The following ILRUN variants were observed in gnomAD, a reference collection of about 807,000 sequenced individuals.
ILRUN encodes inflammation and lipid regulator with UBA-like and NBR1-like domains.
Under a neutral mutation model 33.8 loss-of-function variants are expected in ILRUN, and 3 were observed. The ratio of observed to expected loss-of-function variants is 0.09; its 90% CI spans 0.04 to 0.23. The LOEUF is 0.23. Among genes scored for constraint, ILRUN ranks in the 10% least tolerant of loss-of-function variants. The pLI, the probability that ILRUN is intolerant of heterozygous loss-of-function variation, is 1.00. For synonymous variants in ILRUN, 124 were observed against 138.9 expected (o/e 0.89, Z 0.75); for missense variants, 210 against 375.1 (o/e 0.56, Z 3.64).
At chr6:34,602,832 C>A (rs1761538806) in intron 4 of ILRUN, among the ~76,000 whole-genome samples, 1 of 152,196 alleles carries the variant, frequency 6.6e-6, no homozygotes, top group African/African-American at 2.4e-5. Flanking sequence ...TTGTGGGATG[C>A]AGCTAGGGCA....
At position 34,591,808 on chromosome 6, in the gene ILRUN, T is replaced by TA. The variant is rs1413695037; in HGVS notation, c.862-1209dup. 7.2e-5 allele frequency among the ~76,000 whole-genome samples: 11 copies of TA among 152,214 alleles called. 1 individual carries two copies. Among genetic ancestry groups the TA allele is most frequent in the Non-Finnish European group, 2.9e-5 (2 of 68,000 alleles). ...CTGGCCAATCCTGTCTCAAGCTTTTTAAAAAAATCACGTGGTAAGAGGCAG... is the reference window on the plus strand; with the variant it reads ...CTGGCCAATCCTGTCTCAAGCTTTTTAAAAAAAATCACGTGGTAAGAGGCAG... On this transcript the variant is annotated intron_variant, in intron 4 of 4. Coordinates refer to ENST00000374023, the MANE Select transcript of ILRUN (RefSeq NM_024294.4).
At chr6:34,677,876 G>C (rs963009436) in intron 1 of ILRUN, among the ~76,000 whole-genome samples, 2 of 150,136 alleles carry the variant, frequency 1.3e-5, no homozygotes, top group African/African-American at 4.9e-5. Context: ...TTAAGCCCAG[G>C]AGGTCGAGGC....
intron 1 of ILRUN, among the ~76,000 whole-genome samples, chr6:34,663,636 G>A (rs1005858018): frequency 2.0e-5 from 3 of 152,042 alleles, no homozygotes; most frequent in African/African-American, 4.8e-5. Context: ...GAGCCACCCC[G>A]TCCAGCTAAG....
intron 3 of ILRUN, among the ~76,000 whole-genome samples, chr6:34,635,637 C>T (rs1316212195): frequency 8.6e-6 from 1 of 116,252 alleles, no homozygotes; most frequent in Admixed American, 1.0e-4. Flanking sequence ...TTTTTTGAGA[C>T]ACAGTCTTGC....
At position 34,663,294 on chromosome 6, in the gene ILRUN, G is replaced by A. The variant is rs115610382; in HGVS notation, c.159-8515C>T. Reference sequence around the variant, plus strand: ...AAAAATTATCTGGGTATAGTGGCGCGTGCCTATAGTCCCAGCTACTCAGAA... The same window carrying A: ...AAAAATTATCTGGGTATAGTGGCGCATGCCTATAGTCCCAGCTACTCAGAA... On this transcript the variant is annotated intron_variant, in intron 1 of 4. Coordinates refer to ENST00000374023, the MANE Select transcript of ILRUN (RefSeq NM_024294.4). 4.3e-3 allele frequency among the ~76,000 whole-genome samples: 654 copies of A among 152,082 alleles called. 6 individuals carry two copies. The highest frequency in any genetic ancestry group is 0.015 in the African/African-American group (603 of 41,474).
chr6:34,619,216 A>C (rs913943589), intron 3 of ILRUN, among the ~76,000 whole-genome samples: 3 of 152,182 alleles, frequency 2.0e-5, no homozygotes, highest in African/African-American at 7.2e-5. Context: ...CTAGAAGAGG[A>C]GAATTAAGAA....
intron 3 of ILRUN, among the ~76,000 whole-genome samples, chr6:34,624,604 G>A (rs912545686): frequency 6.6e-6 from 1 of 152,102 alleles, no homozygotes; most frequent in Non-Finnish European, 1.5e-5. Flanking sequence ...AAAGTGCTGG[G>A]ATTACAGGTG....
chr6:34,594,063 A>C (rs552737235), intron 4 of ILRUN, among the ~76,000 whole-genome samples: 71 of 152,272 alleles, frequency 4.7e-4, no homozygotes, highest in Non-Finnish European at 8.1e-4. Flanking sequence ...TCCCAGCCTA[A>C]AAGTAGGATT....
At chr6:34,692,518 G>C (rs929408222) in intron 1 of ILRUN, among the ~76,000 whole-genome samples, 1 of 152,142 alleles carries the variant, frequency 6.6e-6, no homozygotes, top group African/African-American at 2.4e-5. Flanking sequence ...AGAACAACAC[G>C]TCTAGACTTT....
chr6:34,595,636 G>C (rs1324547227), intron 4 of ILRUN: 6 of 449,798 alleles, frequency 1.3e-5, no homozygotes, highest in Non-Finnish European at 1.5e-5. Flanking sequence ...ATGTCTCATT[G>C]AGAGATTTTT....
At chr6:34,591,887 T>C (rs1355567681) in intron 4 of ILRUN, among the ~76,000 whole-genome samples, 2 of 152,214 alleles carry the variant, frequency 1.3e-5, no homozygotes, top group African/African-American at 4.8e-5. Flanking sequence ...CTTCCCACGC[T>C]AGCTCTCCCT....
At chr6:34,686,124 GA>G (rs754452990) in intron 1 of ILRUN, among the ~76,000 whole-genome samples, 10 of 152,142 alleles carry the variant, frequency 6.6e-5, no homozygotes, top group Non-Finnish European at 2.9e-5. Context: ...ACATTGTCAA[GA>G]AAGTGAAAAG....
Position 34,643,979 on chromosome 6 carries a change from G to C in ILRUN, c.511+2622C>G, listed in dbSNP as rs1401937333. On this transcript the variant is annotated intron_variant, in intron 3 of 4. Transcript: ENST00000374023. The stretch of plus-strand genomic sequence containing the variant: ...GGCCTCCCAGAGTGCTGGTATTACA[G>C]GCTTGAACCACTGCACCCGGCCTTT... Among the ~76,000 whole-genome samples, 3 of 152,326 alleles carry C rather than the reference G, an allele frequency of 2.0e-5. No homozygotes were observed. In the East Asian group the frequency reaches 5.8e-4, roughly 29 times the overall value.
At chr6:34,666,241 T>G (rs1415236376) in intron 1 of ILRUN, among the ~76,000 whole-genome samples, 1 of 152,192 alleles carries the variant, frequency 6.6e-6, no homozygotes, top group African/African-American at 2.4e-5. Context: ...TTTGGCTGCT[T>G]TCTGGTATAT....
At chr6:34,673,410 T>C (rs566656461) in intron 1 of ILRUN, among the ~76,000 whole-genome samples, 3 of 152,008 alleles carry the variant, frequency 2.0e-5, no homozygotes, top group Admixed American at 6.6e-5. Context: ...TTTACATATA[T>C]AGTTAGTAAG....
intron 2 of ILRUN, among the ~76,000 whole-genome samples, chr6:34,650,849 T>C (rs1033294323): frequency 2.6e-5 from 4 of 152,212 alleles, no homozygotes; most frequent in Non-Finnish European, 5.9e-5. Context: ...ATCTGTGGTA[T>C]ATTTGCATGC....
chr6:34,620,863 T>G (rs1182081387), intron 3 of ILRUN, among the ~76,000 whole-genome samples: 1 of 152,198 alleles, frequency 6.6e-6, no homozygotes, highest in African/African-American at 2.4e-5. Context: ...AATGATAAAT[T>G]ATGTTGATAA....
At chr6:34,694,864 A>T (rs1763724637) in intron 1 of ILRUN, among the ~76,000 whole-genome samples, 1 of 152,104 alleles carries the variant, frequency 6.6e-6, no homozygotes, top group Non-Finnish European at 1.5e-5. Flanking sequence ...CCTGACCAAT[A>T]TGGTGAAACC....
chr6:34,677,977 G>A (rs935977116), intron 1 of ILRUN, among the ~76,000 whole-genome samples: 10 of 149,348 alleles, frequency 6.7e-5, no homozygotes, highest in Admixed American at 2.7e-4. Flanking sequence ...AAAGTGTTGC[G>A]ATTACAGGTG....
Sources: allele counts gnomAD v4.1 joint callset (sites outside exome capture counted in the v4.1 genomes callset), GRCh38; gene constraint gnomAD v4.1.1; transcripts MANE v1.5; gene names NCBI Gene and HGNC (gene_info 2026-07-23, HGNC 2026-07-21).